TYMP: variants seen among roughly 807,000 people sequenced by gnomAD.
TYMP encodes the protein gliostatin.
In TYMP, 46 loss-of-function variants were observed where a neutral mutation model predicts 42.3. The ratio of observed to expected loss-of-function variants is 1.09; its 90% CI spans 0.86 to 1.39. The LOEUF (loss-of-function observed/expected upper bound fraction) is 1.39, where lower values mean the gene tolerates loss of function less well. Among genes scored for constraint, TYMP ranks in the 40% most tolerant of loss-of-function variants. The pLI is 0.00. For synonymous variants in TYMP, 363 were observed against 308.0 expected, an observed-to-expected ratio of 1.18 and a Z score of -1.87; for missense variants, 837 against 677.6, an observed-to-expected ratio of 1.24 and a Z score of -2.61.
At position 50,526,131 on chromosome 22, in the gene TYMP, C is replaced by A; in HGVS notation, c.1170G>T (p.Glu390Asp). The change falls in exon 9 of 10, where the codon GAG becomes GAT. Residue 390 changes from glutamate (E) to aspartate (D), a missense_variant. By Grantham distance (45) the Glu-to-Asp change is conservative (BLOSUM62 2). Transcript: ENST00000252029. ...ELLAPADGTV[E>D]LVRALPLALV... ...GCGCCAGCGGCAGCGCCCGGACCAG[C>A]TCCACGGTGCCTGCGGGGAGAGGGG... is the stretch of plus-strand genomic sequence containing the variant. 6.7e-7 allele frequency: 1 copy of A among 1,488,364 alleles called. No individual in the cohort carries two copies. Among genetic ancestry groups the A allele is most frequent in the South Asian group, 1.3e-5 (1 of 78,558 alleles). The allele number at this position is 1,488,364 out of a possible 1,614,324, so 92.2% of individuals were successfully genotyped here.
chr22:50,526,620 T>C lies in TYMP; in HGVS notation c.884A>G (p.Asp295Gly). Residue 295 changes from aspartate (D) to glycine (G), a missense_variant, in exon 7 of 10, where the codon GAC (aspartate) becomes GGC (glycine). Physicochemically the swap from Asp to Gly is moderately conservative, Grantham distance 94. Transcript: ENST00000252029. ...CCTTAAGTCTGGCGGGCCTGCGCCG[T>C]CCATGCAGAGCAGCGCCTCCTCCAC... Reference protein sequence around the residue: ...LEVEEALLCMDGAGPPDLRDL... With the variant: ...LEVEEALLCMGGAGPPDLRDL... The C allele has an allele frequency of 6.3e-7, 1 of 1,578,044 alleles. No individual in the cohort carries two copies. Among genetic ancestry groups the C allele is most frequent in the Non-Finnish European group, 8.6e-7 (1 of 1,163,440 alleles).
rs770277446 is a variant in TYMP at position 50,526,244 on chromosome 22, A to G, written c.1159+2T>C. 1.3e-6 allele frequency: 2 copies of G among 1,540,306 alleles called. No homozygotes were observed. The highest frequency in any genetic ancestry group is 1.4e-5 in the African/African-American group (1 of 70,608). On this transcript the variant is annotated splice_donor_variant, in intron 8 of 9. Transcript: ENST00000252029. LOFTEE classifies it high-confidence loss of function. Reference sequence around the variant, plus strand: ...AAGGACGGGGACTCCCCCGACGCTCACCATCTGCGGGCGCCAGCAGCTCCT... The same window carrying G: ...AAGGACGGGGACTCCCCCGACGCTCGCCATCTGCGGGCGCCAGCAGCTCCT...
rs768461642 is a variant in TYMP at position 50,529,559 on chromosome 22, C to G, written c.151G>C (p.Glu51Gln). Reference sequence around the variant, plus strand: ...GCCACGAAGCCCCTGATGTCCGCTTCGCTCAGGCGGCCTCCGTCTCGCTTC... The same window carrying G: ...GCCACGAAGCCCCTGATGTCCGCTTGGCTCAGGCGGCCTCCGTCTCGCTTC... ...RMKRDGGRLS[E>Q]ADIRGFVAAV... Residue 51 changes from glutamate (E) to glutamine (Q), a missense_variant, in exon 2 of 10, where the codon GAA becomes CAA. Glu to Gln is a conservative substitution (Grantham distance 29, BLOSUM62 2). Coordinates refer to ENST00000252029, the MANE Select transcript of TYMP (RefSeq NM_001953.5). 3.5e-5 allele frequency: 56 copies of G among 1,613,142 alleles called. No homozygotes were observed. The highest frequency in any genetic ancestry group is 4.7e-5 in the Non-Finnish European group (55 of 1,179,928).
At chr22:50,526,506 C>T (rs1461635355) in intron 7 of TYMP, 30 bp from the exon 8 acceptor site, 16 of 1,522,670 alleles carry the variant, frequency 1.1e-5, no homozygotes, top group Non-Finnish European at 1.2e-5. Context: ...TTAGGCGCGG[C>T]CGGGTCGGGG....
rs1250862039 is a variant in TYMP, at chr22:50,525,905, G to A, written c.1314C>T (p.Leu438=). The A allele has an allele frequency of 1.3e-6, 2 of 1,547,278 alleles. No individual in the cohort carries two copies. The highest frequency in any genetic ancestry group is 2.0e-4 in the Middle Eastern group (1 of 4,930). Residue 438 remains leucine (L), a synonymous_variant, in exon 10 of 10, where the codon CTC becomes CTT. Transcript: ENST00000252029. ...GCGCGGGGCCGTCCCGGTGCACGCG[G>A]AGCCAGGGGGTCCCTGCAGAGCGAG... ...GQRLRRGTPW[L]RVHRDGPALS...
chr22:50,529,792 C>A, intron 1 of TYMP, 73 bp from the exon 2 acceptor site: 1 of 1,322,582 alleles, frequency 7.6e-7, no homozygotes, highest in East Asian at 2.5e-5. Flanking sequence ...GCTCCTGTCC[C>A]GACCCCTTTC....
chr22:50,528,983 T>C, intron 3 of TYMP, 153 bp downstream of exon 3: 1 of 766,304 alleles, frequency 1.3e-6, no homozygotes, highest in East Asian at 2.7e-5. Context: ...GGGAACGGGG[T>C]GGGGAGAACT....
intron 4 of TYMP, 143 bp downstream of exon 4, chr22:50,528,369 C>T (rs933780405): frequency 2.9e-5 from 22 of 759,726 alleles, no homozygotes; most frequent in Admixed American, 2.4e-4. Context: ...CTGATGATTT[C>T]GGCCCAGGCC....
chr22:50,529,730 G>T lies in TYMP; in HGVS notation c.-10-11C>A, dbSNP rs781054447. ...GCCATCGCTCCGGGCCTGCGGGGAT[G>T]CCTGACACGTCCGGGGTCTGCGGCC... On this transcript the variant is annotated splice_polypyrimidine_tract_variant and intron_variant, in intron 1 of 9. Transcript: ENST00000252029. 1.9e-6 allele frequency: 3 copies of T among 1,598,854 alleles called. No homozygotes were observed. The highest frequency in any genetic ancestry group is 2.3e-5 in the East Asian group (1 of 44,312).
Position 50,526,009 on chromosome 22 carries a change from A to G in TYMP, c.1292T>C (p.Leu431Pro). The change falls in exon 9 of 10, where the codon CTG becomes CCG. Residue 431 changes from leucine to proline, a missense_variant. Leu to Pro is a moderately conservative substitution (Grantham distance 98, BLOSUM62 -3). Coordinates refer to ENST00000252029, the MANE Select transcript of TYMP (RefSeq NM_001953.5). ...AELLVDVGQR[L>P]RRGTPWLRVH... ...GCGGGGGCGGCGCTCACCACGGCGC[A>G]GCCTCTGACCCACGTCGACCAGCAG... 6.9e-7 allele frequency: 1 copy of G among 1,449,374 alleles called. No individual in the cohort carries two copies. Among genetic ancestry groups the G allele is most frequent in the Non-Finnish European group, 9.0e-7 (1 of 1,107,238 alleles). 89.8% of individuals were successfully genotyped at this position (1,449,374 alleles called of 1,614,324 possible).
chr22:50,528,331 C>T (rs1047740584), intron 4 of TYMP, 181 bp downstream of exon 4: 5 of 680,196 alleles, frequency 7.4e-6, no homozygotes, highest in African/African-American at 3.5e-5. Context: ...GACCAACTTC[C>T]CATTTTATGA....
chr22:50,525,795 T>G lies in TYMP; in HGVS notation c.1424A>C (p.Glu475Ala). ...APFAAPSPFA[E>A]LVLPPQQ ...TTATTGCTGCGGCGGCAGAACGAGCTCTGCGAAGGGCGAGGGGGCGGCGAA... is the reference window on the plus strand; with the variant it reads ...TTATTGCTGCGGCGGCAGAACGAGCGCTGCGAAGGGCGAGGGGGCGGCGAA... Residue 475 changes from glutamate to alanine, a missense_variant, in exon 10 of 10, where the codon GAG becomes GCG. Transcript: ENST00000252029. The G allele has an allele frequency of 6.2e-7, 1 of 1,610,878 alleles. No homozygotes were observed. The highest frequency in any genetic ancestry group is 1.1e-5 in the South Asian group (1 of 91,042).
chr22:50,529,503 T>C lies in TYMP; in HGVS notation c.207A>G (p.Ala69=), dbSNP rs1269869972. ...AAVVNGSAQG[A]QIGAMLMAIR... The stretch of plus-strand genomic sequence containing the variant: ...CCAACCCTCCCCACGCACCGATCTG[T>C]GCGCCCTGCGCGCTCCCATTCACCA... The change falls in exon 2 of 10, where the codon GCA becomes GCG. Residue 69 remains alanine (A), a synonymous_variant. Coordinates refer to ENST00000252029, the MANE Select transcript of TYMP (RefSeq NM_001953.5). The C allele has an allele frequency of 6.2e-7, 1 of 1,612,778 alleles. No individual in the cohort carries two copies. The highest frequency in any genetic ancestry group is 1.1e-5 in the South Asian group (1 of 91,084).
intron 4 of TYMP, 66 bp from the exon 5 acceptor site, chr22:50,527,783 T>C: frequency 6.3e-7 from 1 of 1,593,122 alleles, no homozygotes; most frequent in Non-Finnish European, 8.5e-7. Context: ...TTTTTTTTTT[T>C]TTTTTTTTCT....
At position 50,527,659 on chromosome 22, in the gene TYMP, A is replaced by G. The variant is rs757374049; in HGVS notation, c.575T>C (p.Val192Ala). 6.2e-7 allele frequency: 1 copy of G among 1,613,880 alleles called. No individual in the cohort carries two copies. Among genetic ancestry groups the G allele is most frequent in the South Asian group, 1.1e-5 (1 of 91,084 alleles). ...TGCATATAGGATTCCGTCCGCAGGA[A>G]CCAGCTGCTCACTCTGACCCACGAT... ...CCIVGQSEQL[V>A]PADGILYAAR... Residue 192 changes from valine to alanine, a missense_variant, in exon 5 of 10, where the codon GTT becomes GCT. Coordinates refer to ENST00000252029, the MANE Select transcript of TYMP (RefSeq NM_001953.5).
In TYMP at chr22:50,527,296, C is replaced by T. The variant is rs1569522364; in HGVS notation, c.647-13G>A. On this transcript the variant is annotated splice_polypyrimidine_tract_variant and intron_variant, in intron 5 of 9. Coordinates refer to ENST00000252029, the MANE Select transcript of TYMP (RefSeq NM_001953.5). ...CTGAGAATGGAGGCTTTGGGGGAGG[C>T]AGAGGAGGTTGGAGACAATGGAGAA... The T allele has an allele frequency of 1.9e-6, 3 of 1,600,396 alleles. No individual in the cohort carries two copies. Among genetic ancestry groups the T allele is most frequent in the Non-Finnish European group, 2.6e-6 (3 of 1,167,940 alleles).
rs1354326122 is a variant in TYMP, at chr22:50,526,160, A to G, written c.1160-19T>C. 2.7e-6 allele frequency: 4 copies of G among 1,474,274 alleles called. No individual in the cohort carries two copies. The highest frequency in any genetic ancestry group is 3.6e-6 in the Non-Finnish European group (4 of 1,117,878). 91.3% of individuals were successfully genotyped at this position (1,474,274 alleles called of 1,614,324 possible). On this transcript the variant is annotated intron_variant, in intron 8 of 9. Transcript: ENST00000252029. ...ACGGTGCCTGCGGGGAGAGGGGCTG[A>G]GAGGCGCGGGCTCGGGAAGGGGCGG...
At chr22:50,527,808 T>C in intron 4 of TYMP, 91 bp from the exon 5 acceptor site, 1 of 1,545,710 alleles carries the variant, frequency 6.5e-7, no homozygotes, top group South Asian at 1.1e-5. Context: ...AGAGTCTTCC[T>C]CTGTTGCCCA....
intron 4 of TYMP, 22 bp from the exon 5 acceptor site, chr22:50,527,739 T>G: frequency 6.2e-7 from 1 of 1,600,050 alleles, no homozygotes; most frequent in Non-Finnish European, 8.6e-7. Context: ...TCCCCTGTTC[T>G]CAGTGACTTA....
Sources: gnomAD v4.1 joint callset for allele counts on GRCh38, gnomAD v4.1.1 for gene constraint, MANE v1.5 for transcripts, NCBI Gene and HGNC (gene_info 2026-07-23, HGNC 2026-07-21) for gene names.